The following TENM2 variants were observed in gnomAD, a reference collection of about 807,000 sequenced individuals.
TENM2 encodes teneurin-2.
In TENM2, 52 loss-of-function variants were observed where a neutral mutation model predicts 245.2. That is an observed-to-expected ratio of 0.21 (90% CI 0.17 to 0.27). The LOEUF (loss-of-function observed/expected upper bound fraction) is 0.27. TENM2 is among the 10% of genes least tolerant of loss of function. The pLI is 1.00. For synonymous variants in TENM2, 1,363 were observed against 1,438.9 expected (o/e 0.95, Z 1.19); for missense variants, 3,046 against 3,666.8 (o/e 0.83, Z 4.37).
At chr5:167,091,854 CAA>C in the TENM2 span, among the ~76,000 whole-genome samples, 1 of 152,106 alleles carries the variant, frequency 6.6e-6, no homozygotes, top group African/African-American at 2.4e-5. Context: ...GACTTTTTAT[CAA>C]AAGTTTAAAA....
chr5:167,382,563 A>C (rs1761155539), intron 2 of TENM2, among the ~76,000 whole-genome samples: 1 of 152,222 alleles, frequency 6.6e-6, no homozygotes, highest in Non-Finnish European at 1.5e-5. Context: ...AGAAAAGATA[A>C]CTGAAATATG....
chr5:167,127,439 G>A, the TENM2 span, among the ~76,000 whole-genome samples: 1 of 152,050 alleles, frequency 6.6e-6, no homozygotes, highest in Admixed American at 6.5e-5. Flanking sequence ...TGAGTCAGTA[G>A]TACATCCCCA....
rs1759985026 is a variant in TENM2, at chr5:167,365,394, A to G, written c.227-9804A>G. On this transcript the variant is annotated intron_variant, in intron 1 of 28. Coordinates refer to ENST00000518659, the Ensembl canonical transcript of TENM2. ...CCTAGAGAAGGATGAGAAAAAAAAA[A>G]CTCAAATTAAGTAGAAATAAATAAG... 2.0e-5 allele frequency among the ~76,000 whole-genome samples: 3 copies of G among 151,214 alleles called. No individual in the cohort carries two copies. The South Asian group carries it at 6.2e-4, about 31-fold the overall frequency.
At chr5:168,175,915 T>A (rs1171938256) in intron 13 of TENM2, among the ~76,000 whole-genome samples, 5 of 152,194 alleles carry the variant, frequency 3.3e-5, no homozygotes, top group Non-Finnish European at 1.5e-5. Flanking sequence ...CTTAGCCCTT[T>A]GACGAGCAAC....
intron 1 of TENM2, among the ~76,000 whole-genome samples, chr5:167,342,869 T>G (rs1758206341): frequency 6.6e-6 from 1 of 151,944 alleles, no homozygotes; most frequent in African/African-American, 2.4e-5. Flanking sequence ...ATTTTTTTTT[T>G]TTTTTGAAGA....
the TENM2 span, among the ~76,000 whole-genome samples, chr5:167,077,410 C>T: frequency 3.3e-5 from 5 of 151,942 alleles, no homozygotes; most frequent in African/African-American, 1.2e-4. Context: ...ACTGAGGTCC[C>T]AATAGGTTAC....
At chr5:167,607,110 G>A (rs1777109096) in intron 2 of TENM2, among the ~76,000 whole-genome samples, 1 of 152,090 alleles carries the variant, frequency 6.6e-6, no homozygotes, top group Admixed American at 6.6e-5. Flanking sequence ...AGAGAGGGCT[G>A]GCTCTAGAAA....
rs544403172 is a variant in TENM2, at chr5:167,909,301, G to A, written c.712+33106G>A. Among the ~76,000 whole-genome samples, 15 of 151,986 alleles carry A rather than the reference G, an allele frequency of 9.9e-5. No homozygotes were observed. The South Asian group carries it at 2.1e-3, about 21-fold the overall frequency. ...TGTGTGGTCCTTGACTTACTTTCAC[G>A]GTATTAACTACATTTCCTTTGTTCT... is the stretch of plus-strand genomic sequence containing the variant. On this transcript the variant is annotated intron_variant, in intron 3 of 28. Coordinates refer to ENST00000518659, the Ensembl canonical transcript of TENM2.
At chr5:167,353,633 A>G (rs1470246619) in intron 1 of TENM2, among the ~76,000 whole-genome samples, 150 of 142,778 alleles carry the variant, frequency 1.1e-3, no homozygotes, top group African/African-American at 3.0e-3. Context: ...TCAGCCTCCC[A>G]TGTAGCTGGG....
chr5:167,686,815 C>T (rs1284806363), intron 2 of TENM2, among the ~76,000 whole-genome samples: 1 of 152,140 alleles, frequency 6.6e-6, no homozygotes, highest in Non-Finnish European at 1.5e-5. Flanking sequence ...CTCAGGGGTT[C>T]CCTCAGCTTA....
the TENM2 span, among the ~76,000 whole-genome samples, chr5:166,984,847 T>G: frequency 6.6e-6 from 1 of 152,168 alleles, no homozygotes; most frequent in African/African-American, 2.4e-5. Context: ...TATATAGTTA[T>G]ATATTACACA....
the TENM2 span, among the ~76,000 whole-genome samples, chr5:167,112,771 C>T: frequency 6.6e-6 from 1 of 152,206 alleles, no homozygotes; most frequent in Non-Finnish European, 1.5e-5. Context: ...TGGCATCATG[C>T]TGCTCTTCTG....
chr5:167,696,210 G>A (rs774970627), intron 2 of TENM2, among the ~76,000 whole-genome samples: 10 of 152,082 alleles, frequency 6.6e-5, no homozygotes, highest in Non-Finnish European at 1.2e-4. Context: ...ACCTGTGAGT[G>A]TTTTTTCCTT....
the TENM2 span, among the ~76,000 whole-genome samples, chr5:167,120,794 C>T: frequency 6.6e-6 from 1 of 152,208 alleles, no homozygotes; most frequent in Non-Finnish European, 1.5e-5. Flanking sequence ...TCAATGCCAT[C>T]ACTAAACTCT....
At chr5:168,248,743 G>A (rs1766824119) in intron 27 of TENM2, among the ~76,000 whole-genome samples, 1 of 152,168 alleles carries the variant, frequency 6.6e-6, no homozygotes, top group Non-Finnish European at 1.5e-5. Context: ...TGGACTAGTT[G>A]TTCAATCTCT....
the TENM2 span, among the ~76,000 whole-genome samples, chr5:167,209,974 T>C: frequency 2.6e-5 from 4 of 152,220 alleles, no homozygotes; most frequent in Non-Finnish European, 4.4e-5. Context: ...TGTAAACTTC[T>C]AGATGAAGGA....
At chr5:168,101,326 T>C (rs1030233967) in intron 9 of TENM2, among the ~76,000 whole-genome samples, 1 of 152,164 alleles carries the variant, frequency 6.6e-6, no homozygotes, top group African/African-American at 2.4e-5. Context: ...TAAATGTATA[T>C]TAACACTGAC....
At chr5:167,061,014 T>C in the TENM2 span, among the ~76,000 whole-genome samples, 179 of 152,174 alleles carry the variant, frequency 1.2e-3, 2 homozygotes, top group African/African-American at 4.2e-3. Flanking sequence ...TTTTTAGTTT[T>C]CCAGGTGATT....
At chr5:167,856,517 A>C (rs1381807217) in intron 2 of TENM2, among the ~76,000 whole-genome samples, 1 of 152,186 alleles carries the variant, frequency 6.6e-6, no homozygotes, top group South Asian at 2.1e-4. Context: ...AAATAAAGTT[A>C]AGTCCTCTAA....
Sources: gnomAD v4.1 joint callset for allele counts (sites outside exome capture counted in the v4.1 genomes callset) on GRCh38, gnomAD v4.1.1 for gene constraint, MANE v1.5 for transcripts, NCBI Gene and HGNC (gene_info 2026-07-23, HGNC 2026-07-21) for gene names.